ATRNL1: variants seen among roughly 807,000 people sequenced by gnomAD.
ATRNL1 encodes attractin-like protein 1.
A neutral mutation model predicts 182.7 loss-of-function variants in ATRNL1; 95 were observed. The ratio of observed to expected loss-of-function variants is 0.52; its 90% CI spans 0.44 to 0.62. The LOEUF (loss-of-function observed/expected upper bound fraction) is 0.62, where lower values mean the gene tolerates loss of function less well. Ranked by LOEUF, ATRNL1 falls within the 20% of genes least tolerant of loss-of-function variation. The pLI is 0.00. For missense variants in ATRNL1, 1,471 were observed against 1,679.5 expected (o/e 0.88, Z 2.17); for synonymous variants, 576 against 568.3 (o/e 1.01, Z -0.19).
rs540612246 is a variant in ATRNL1 at position 115,751,405 on chromosome 10, C to A, written c.3903+24050C>A. The stretch of plus-strand genomic sequence containing the variant: ...CTACTAAATTTGTGGTAACTTGTTG[C>A]TATAGCACTAGGCAACAAATAAAAT... On this transcript the variant is annotated intron_variant, in intron 27 of 28. Coordinates refer to ENST00000355044, the MANE Select transcript of ATRNL1 (RefSeq NM_207303.4). Among the ~76,000 whole-genome samples, 16 of 152,094 alleles carry A rather than the reference C, an allele frequency of 1.1e-4. 1 individual carries two copies. The South Asian group carries it at 3.3e-3, about 32-fold the overall frequency.
intron 24 of ATRNL1, among the ~76,000 whole-genome samples, chr10:115,510,624 G>A (rs1468742492): frequency 1.3e-5 from 2 of 151,836 alleles, no homozygotes; most frequent in African/African-American, 4.8e-5. Flanking sequence ...ATATGCACTG[G>A]GAAACCAAAA....
At position 115,621,861 on chromosome 10, in the gene ATRNL1, C is replaced by A. The variant is rs76321162; in HGVS notation, c.3795+72325C>A. 7.5e-3 allele frequency among the ~76,000 whole-genome samples: 1,140 copies of A among 152,218 alleles called. 10 individuals are homozygous for A. The highest frequency in any genetic ancestry group is 0.025 in the African/African-American group (1,033 of 41,538). On this transcript the variant is annotated intron_variant, in intron 26 of 28. Coordinates refer to ENST00000355044, the MANE Select transcript of ATRNL1 (RefSeq NM_207303.4). Reference sequence around the variant, plus strand: ...GACTTGTGTTAAAAATGCAAAAAGTCTTTTGTCTTCATAAGAGAAATGCGG... The same window carrying A: ...GACTTGTGTTAAAAATGCAAAAAGTATTTTGTCTTCATAAGAGAAATGCGG...
At chr10:115,646,948 C>T (rs1203159836) in intron 26 of ATRNL1, among the ~76,000 whole-genome samples, 1 of 116,462 alleles carries the variant, frequency 8.6e-6, no homozygotes, top group Non-Finnish European at 1.8e-5. Context: ...CCCCCCTCCC[C>T]CCCTCCCCCC....
At chr10:115,556,753 A>G (rs2804246) in intron 26 of ATRNL1, among the ~76,000 whole-genome samples, 40,705 of 151,256 alleles carry the variant, frequency 0.27, 6,723 homozygotes, top group East Asian at 0.55. Context: ...AGCATTATAC[A>G]TTAATATTAC....
chr10:115,713,190 C>G (rs1366120295), intron 26 of ATRNL1, among the ~76,000 whole-genome samples: 1 of 152,100 alleles, frequency 6.6e-6, no homozygotes, highest in African/African-American at 2.4e-5. Context: ...TGACCTTGAG[C>G]TTGTGTTCAA....
intron 25 of ATRNL1, among the ~76,000 whole-genome samples, chr10:115,524,899 G>T (rs543343419): frequency 6.6e-6 from 1 of 152,186 alleles, no homozygotes; most frequent in Admixed American, 6.5e-5. Context: ...AGTCAATTAG[G>T]CCCTCATGTC....
chr10:115,484,364 A>C (rs1848917459), intron 24 of ATRNL1, among the ~76,000 whole-genome samples: 1 of 151,102 alleles, frequency 6.6e-6, no homozygotes, highest in Non-Finnish European at 1.5e-5. Flanking sequence ...GTTTGTGTTC[A>C]CTCTTTTACA....
intron 21 of ATRNL1, among the ~76,000 whole-genome samples, chr10:115,436,423 A>G (rs1292116929): frequency 6.6e-6 from 1 of 152,122 alleles, no homozygotes; most frequent in Non-Finnish European, 1.5e-5. Flanking sequence ...TGTATATCTT[A>G]GGTCATACAA....
chr10:115,809,636 TTATA>T (rs200189000), intron 27 of ATRNL1, among the ~76,000 whole-genome samples: 3,172 of 152,102 alleles, frequency 0.021, 45 homozygotes, highest in Non-Finnish European at 0.028. Flanking sequence ...TTTTGTGGAT[TTATA>T]TTTTTATCTT....
chr10:115,405,155 T>C (rs1314273827), intron 20 of ATRNL1, among the ~76,000 whole-genome samples: 3 of 152,226 alleles, frequency 2.0e-5, no homozygotes, highest in African/African-American at 7.2e-5. Flanking sequence ...CAGTCTTCTA[T>C]ATATTTATTA....
At chr10:115,194,647 C>G (rs1848291374) in intron 8 of ATRNL1, among the ~76,000 whole-genome samples, 1 of 151,456 alleles carries the variant, frequency 6.6e-6, no homozygotes, top group Admixed American at 6.6e-5. Flanking sequence ...TTTATCCATT[C>G]TTCTATGTCT....
At chr10:115,779,316 G>A (rs1262527057) in intron 27 of ATRNL1, among the ~76,000 whole-genome samples, 1 of 152,230 alleles carries the variant, frequency 6.6e-6, no homozygotes, top group East Asian at 1.9e-4. Flanking sequence ...CAATGTGATA[G>A]TGGATGTAAC....
intron 19 of ATRNL1, among the ~76,000 whole-genome samples, chr10:115,359,905 T>G (rs1856659495): frequency 6.6e-6 from 1 of 151,652 alleles, no homozygotes; most frequent in African/African-American, 2.4e-5. Context: ...CACTTTACCA[T>G]AACATATGTA....
intron 27 of ATRNL1, among the ~76,000 whole-genome samples, chr10:115,805,425 T>G (rs903311230): frequency 6.6e-6 from 1 of 152,158 alleles, no homozygotes; most frequent in Non-Finnish European, 1.5e-5. Context: ...TAAGGTAAGT[T>G]TTCATAAACC....
chr10:115,265,275 C>A lies in ATRNL1; in HGVS notation c.1770C>A (p.Asn590Lys). The change falls in exon 11 of 29, where the codon AAC (asparagine) becomes AAA (lysine). Residue 590 changes from asparagine (N) to lysine (K), a missense_variant and splice_region_variant. Physicochemically the swap from Asn to Lys is moderately conservative, Grantham distance 94. Around this residue, in one of 3 missense-constraint regions of ATRNL1, gnomAD observed 1,031 missense variants for 1,156.0 expected, o/e 0.89. Coordinates refer to ENST00000355044, the MANE Select transcript of ATRNL1 (RefSeq NM_207303.4). ...TTGGACACTCTGCAGTAGTCATTAA[C>A]GGGTAAAAGAAGCACATTTCCAATT... ...NRFGHSAVVINGSMYIFGGFS... is the reference protein window; with the variant it reads ...NRFGHSAVVIKGSMYIFGGFS... The A allele has an allele frequency of 6.3e-7, 1 of 1,591,388 alleles. No individual in the cohort carries two copies. Among genetic ancestry groups the A allele is most frequent in the South Asian group, 1.1e-5 (1 of 87,580 alleles).
At chr10:115,533,065 C>A (rs1354621816) in intron 25 of ATRNL1, among the ~76,000 whole-genome samples, 1 of 152,102 alleles carries the variant, frequency 6.6e-6, no homozygotes, top group Non-Finnish European at 1.5e-5. Context: ...CTAAAATTCT[C>A]TTTTTTGGTT....
intron 6 of ATRNL1, among the ~76,000 whole-genome samples, chr10:115,162,956 C>G (rs1021469224): frequency 1.3e-4 from 19 of 149,924 alleles, no homozygotes; most frequent in Admixed American, 1.1e-3. Flanking sequence ...TTGACCATAA[C>G]AAAAGCAGTT....
intron 28 of ATRNL1, among the ~76,000 whole-genome samples, chr10:115,873,815 A>G (rs1169933595): frequency 1.3e-5 from 2 of 152,218 alleles, no homozygotes; most frequent in African/African-American, 2.4e-5. Context: ...ATTCTCTAAT[A>G]TTTTATTGAG....
chr10:115,107,392 C>T (rs1554866292), intron 1 of ATRNL1, among the ~76,000 whole-genome samples: 1 of 152,234 alleles, frequency 6.6e-6, no homozygotes, highest in Non-Finnish European at 1.5e-5. Context: ...AATGTTAAAT[C>T]TGAAAGCTAG....
Sources: allele counts gnomAD v4.1 joint callset (sites outside exome capture counted in the v4.1 genomes callset), GRCh38; gene constraint gnomAD v4.1.1; regional missense constraint gnomAD v4.1.1; transcripts MANE v1.5; gene names NCBI Gene and HGNC (gene_info 2026-07-23, HGNC 2026-07-21).